ERI3: variants seen among roughly 807,000 people sequenced by gnomAD.
ERI3 encodes the protein ERI1 exoribonuclease family member 3.
A neutral mutation model predicts 44.4 loss-of-function variants in ERI3; 18 were observed. The observed-to-expected ratio is 0.41, with a 90% CI of 0.28 to 0.60. The LOEUF is 0.60. Among genes scored for constraint, ERI3 ranks in the 20% least tolerant of loss-of-function variants. The pLI is 0.36. For missense variants in ERI3, 294 were observed against 435.5 expected (o/e 0.68, Z 2.89); for synonymous variants, 183 against 164.8 (o/e 1.11, Z -0.84).
intron 3 of ERI3, among the ~76,000 whole-genome samples, chr1:44,321,997 T>G (rs1271773721): frequency 6.6e-6 from 1 of 152,196 alleles, no homozygotes; most frequent in Non-Finnish European, 1.5e-5. Context: ...AATAAAAATA[T>G]CTATCAAACA....
chr1:44,311,537 T>C (rs1179401326), intron 5 of ERI3, among the ~76,000 whole-genome samples: 1 of 152,148 alleles, frequency 6.6e-6, no homozygotes, highest in Admixed American at 6.5e-5. Context: ...TAGCAGAAAG[T>C]AGCTTCTTGG....
At chr1:44,352,464 A>AG (rs1646914972) in intron 2 of ERI3, among the ~76,000 whole-genome samples, 5 of 147,814 alleles carry the variant, frequency 3.4e-5, no homozygotes, top group African/African-American at 1.2e-4. Context: ...ATAGATAGAT[A>AG]AATGTTTAAA....
chr1:44,276,317 G>C (rs1645180551), intron 7 of ERI3, among the ~76,000 whole-genome samples: 1 of 152,224 alleles, frequency 6.6e-6, no homozygotes, highest in East Asian at 1.9e-4. Context: ...CACACAATTT[G>C]CAAGTATGTG....
At chr1:44,348,751 T>G (rs895833206) in intron 2 of ERI3, among the ~76,000 whole-genome samples, 3 of 152,246 alleles carry the variant, frequency 2.0e-5, no homozygotes, top group African/African-American at 7.2e-5. Flanking sequence ...CTGCAATGAC[T>G]ATGCACCTCT....
intron 3 of ERI3, among the ~76,000 whole-genome samples, chr1:44,330,526 C>T (rs1646406478): frequency 6.6e-6 from 1 of 152,238 alleles, no homozygotes; most frequent in Non-Finnish European, 1.5e-5. Flanking sequence ...TACTTCCTTT[C>T]TGACTCTCCC....
chr1:44,294,045 C>T (rs1645561577), intron 6 of ERI3, among the ~76,000 whole-genome samples: 1 of 152,254 alleles, frequency 6.6e-6, no homozygotes, highest in Non-Finnish European at 1.5e-5. Context: ...CTCTGCACAG[C>T]TCTGAGCAGG....
In ERI3 at chr1:44,228,256, C is replaced by G. The variant is rs375883024; in HGVS notation, c.932-6616G>C. On this transcript the variant is annotated intron_variant, in intron 8 of 8. Coordinates refer to ENST00000372257, the MANE Select transcript of ERI3 (RefSeq NM_024066.3). The surrounding 1 kb of genome is among the most constrained non-coding windows in gnomAD (Gnocchi z 4.3). ...CTCCCCTCAGCCCCCTCCACCCCAC[C>G]GAGGTGCCTGGAGGTGCCACAGGCT... 6.6e-6 allele frequency among the ~76,000 whole-genome samples: 1 copy of G among 152,150 alleles called. No individual in the cohort carries two copies. Among genetic ancestry groups the G allele is most frequent in the Non-Finnish European group, 1.5e-5 (1 of 68,030 alleles).
chr1:44,256,585 G>C (rs1644786010), intron 7 of ERI3, among the ~76,000 whole-genome samples: 1 of 152,116 alleles, frequency 6.6e-6, no homozygotes, highest in East Asian at 1.9e-4. Context: ...AACCTGAGTG[G>C]GATAATTATC....
In ERI3 at chr1:44,221,767, T is replaced by C; in HGVS notation, c.932-127A>G. 1.4e-6 allele frequency: 1 copy of C among 711,462 alleles called. No individual in the cohort carries two copies. The highest frequency in any genetic ancestry group is 1.8e-5 in the African/African-American group (1 of 56,724). The allele number at this position is 711,462 out of a possible 1,614,324, so 44.1% of individuals were successfully genotyped here. ...GAGACACAGGCTTTAGAGAGGGTGG[T>C]CCCATCCCCTGGTGGCAGCATTCCT... On this transcript the variant is annotated intron_variant, in intron 8 of 8. Transcript: ENST00000372257. The surrounding 1 kb of genome is among the most constrained non-coding windows in gnomAD (Gnocchi z 5.9).
chr1:44,226,515 G>A (rs997738331), intron 8 of ERI3, among the ~76,000 whole-genome samples: 2 of 152,074 alleles, frequency 1.3e-5, no homozygotes, highest in African/African-American at 4.8e-5. Flanking sequence ...TGGAAATGGA[G>A]GAGAAGATCT....
At chr1:44,290,924 G>A (rs1645493689) in intron 6 of ERI3, among the ~76,000 whole-genome samples, 1 of 152,182 alleles carries the variant, frequency 6.6e-6, no homozygotes, top group South Asian at 2.1e-4. Flanking sequence ...AAGAGGGGAA[G>A]GCTGAGCTTA....
At chr1:44,281,603 T>C (rs10661451) in intron 7 of ERI3, among the ~76,000 whole-genome samples, 1 of 102,082 alleles carries the variant, frequency 9.8e-6, no homozygotes, top group African/African-American at 4.5e-5. Context: ...AAAAAAAAAA[T>C]ATATATATAT....
At chr1:44,238,232 G>C (rs908395970) in intron 8 of ERI3, among the ~76,000 whole-genome samples, 39 of 152,264 alleles carry the variant, frequency 2.6e-4, no homozygotes, top group African/African-American at 9.1e-4. Flanking sequence ...ATTTATGGCT[G>C]CGGCAGGCGG....
At chr1:44,225,232 A>G (rs1222024570) in intron 8 of ERI3, among the ~76,000 whole-genome samples, 1 of 152,148 alleles carries the variant, frequency 6.6e-6, no homozygotes, top group Non-Finnish European at 1.5e-5. Flanking sequence ...CCCACAATAG[A>G]GGCCTCCAAG....
chr1:44,272,300 C>A (rs185914614), intron 7 of ERI3, among the ~76,000 whole-genome samples: 4 of 152,252 alleles, frequency 2.6e-5, no homozygotes, highest in Non-Finnish European at 4.4e-5. Context: ...AGATATTAAT[C>A]ATCATTTACA....
intron 7 of ERI3, among the ~76,000 whole-genome samples, chr1:44,264,145 G>A (rs139671968): frequency 2.2e-4 from 34 of 152,282 alleles, no homozygotes; most frequent in African/African-American, 7.0e-4. Flanking sequence ...TTTACTCTTC[G>A]GTGCGACTGC....
At chr1:44,324,135 T>C (rs139952918) in intron 3 of ERI3, among the ~76,000 whole-genome samples, 2 of 152,214 alleles carry the variant, frequency 1.3e-5, no homozygotes, top group African/African-American at 4.8e-5. Context: ...CTAATTCCTA[T>C]GCTGGCACAC....
intron 3 of ERI3, among the ~76,000 whole-genome samples, chr1:44,326,408 C>T (rs1202346480): frequency 6.6e-6 from 1 of 151,822 alleles, no homozygotes; most frequent in East Asian, 1.9e-4. Context: ...CAGTTTCTCC[C>T]TTGGAAAAAA....
intron 6 of ERI3, among the ~76,000 whole-genome samples, chr1:44,297,775 C>A (rs1645641102): frequency 6.6e-6 from 1 of 152,180 alleles, no homozygotes; most frequent in Non-Finnish European, 1.5e-5. Flanking sequence ...CAAGCGCTGA[C>A]AAAACAGAGG....
Sources: allele counts gnomAD v4.1 joint callset (sites outside exome capture counted in the v4.1 genomes callset), GRCh38; gene constraint gnomAD v4.1.1; non-coding constraint Gnocchi (gnomAD v3.1); transcripts MANE v1.5; gene names NCBI Gene and HGNC (gene_info 2026-07-23, HGNC 2026-07-21).